Variants in SMAD5 observed in about 807,000 individuals in gnomAD.
SMAD5 encodes the protein SMAD family member 5.
In SMAD5, 9 loss-of-function variants were observed where a neutral mutation model predicts 43.1. That is an observed-to-expected ratio of 0.21 (90% confidence interval 0.13 to 0.36). The LOEUF is 0.36. Ranked by LOEUF, SMAD5 falls within the 10% of genes least tolerant of loss-of-function variation. The probability of loss-of-function intolerance (pLI) is 1.00; values close to 1 mark genes in which losing one functional copy is unlikely to be tolerated. For missense variants in SMAD5, 348 were observed against 574.0 expected (o/e 0.61, Z 4.02); for synonymous variants, 190 against 192.4 (o/e 0.99, Z 0.10).
chr5:136,151,209 A>G (rs1044269209), intron 2 of SMAD5, among the ~76,000 whole-genome samples: 1 of 152,052 alleles, frequency 6.6e-6, no homozygotes, highest in Non-Finnish European at 1.5e-5. Flanking sequence ...CCTGCATACT[A>G]ACATTGCATT....
intron 7 of SMAD5, among the ~76,000 whole-genome samples, chr5:136,175,992 G>A (rs986931747): frequency 2.6e-5 from 4 of 152,032 alleles, no homozygotes; most frequent in Non-Finnish European, 5.9e-5. Context: ...ATTTTTATCT[G>A]CAGTTTTAGG....
intron 1 of SMAD5, among the ~76,000 whole-genome samples, chr5:136,142,161 C>A (rs1753103065): frequency 6.6e-6 from 1 of 152,134 alleles, no homozygotes; most frequent in African/African-American, 2.4e-5. Context: ...GTGGAATTTA[C>A]ATTCTTGTGG....
At chr5:136,171,187 G>A (rs763183136) in intron 5 of SMAD5, among the ~76,000 whole-genome samples, 17 of 152,086 alleles carry the variant, frequency 1.1e-4, no homozygotes, top group South Asian at 4.1e-4. Flanking sequence ...TAGATGTTCC[G>A]TATCAAGCTG....
rs758365297 is a variant in SMAD5, at chr5:136,161,022, C to T, written c.570C>T (p.Asn190=). 3.7e-6 allele frequency: 6 copies of T among 1,613,904 alleles called. No individual in the cohort carries two copies. The East Asian group carries it at 8.9e-5, about 24-fold the overall frequency. The change falls in exon 4 of 8, where the codon AAC becomes AAT. Residue 190 remains asparagine, a synonymous_variant. Transcript: ENST00000545279. ...ACACTCCTTTTCCCTTATCTCCAAACAGCCCTTATCCCCCTTCTCCTGCTA... is the reference window on the plus strand; with the variant it reads ...ACACTCCTTTTCCCTTATCTCCAAATAGCCCTTATCCCCCTTCTCCTGCTA... ...PNNTPFPLSP[N]SPYPPSPASS...
Position 136,147,780 on chromosome 5 carries a change from T to C in SMAD5, c.-244-52T>C, listed in dbSNP as rs116457337. The C allele has an allele frequency of 1.5e-3, 227 of 151,860 alleles. 3 individuals are homozygous for C. The highest frequency in any genetic ancestry group is 5.2e-3 in the African/African-American group (216 of 41,478). The allele number at this position is 151,860 out of a possible 1,614,324, so 9.4% of individuals were successfully genotyped here. On this transcript the variant is annotated intron_variant, in intron 1 of 7. Transcript: ENST00000545279. ...GTTAGTGGTTTATTATTATTACCAT[T>C]ATCAAAGGAGTATTATGATTCCTTT...
chr5:136,162,526 T>C (rs1023123353), intron 4 of SMAD5, among the ~76,000 whole-genome samples: 2 of 152,220 alleles, frequency 1.3e-5, no homozygotes, highest in African/African-American at 4.8e-5. Flanking sequence ...AAAACAAATT[T>C]TCATAGTTTG....
chr5:136,177,307 AT>A (rs760521125), intron 7 of SMAD5, 29 bp from the exon 8 acceptor site: 19 of 1,610,804 alleles, frequency 1.2e-5, no homozygotes, highest in Non-Finnish European at 1.4e-5. Flanking sequence ...TTAAAGAGGG[AT>A]TTGTGATGAT....
chr5:136,178,732 A>C lies in SMAD5; in HGVS notation c.*1252A>C, dbSNP rs1202120009. On this transcript the variant is annotated 3_prime_UTR_variant, in exon 8 of 8. Transcript: ENST00000545279. ...AAGGCTACTGATTTGATACTAAATG[A>C]ATCAGCAGTGGATGTAGGGATAGCT... The C allele has an allele frequency of 6.6e-6, 1 of 152,180 alleles. No homozygotes were observed. Among genetic ancestry groups the C allele is most frequent in the African/African-American group, 2.4e-5 (1 of 41,418 alleles). 9.4% of individuals were successfully genotyped at this position (152,180 alleles called of 1,614,324 possible).
intron 1 of SMAD5, among the ~76,000 whole-genome samples, chr5:136,139,128 C>CTGTGTGTG (rs57433582): frequency 2.1e-5 from 3 of 140,374 alleles, no homozygotes; most frequent in Admixed American, 7.2e-5. Context: ...GCTGTGAGCT[C>CTGTGTGTG]TGTGTGTGTG....
At chr5:136,140,455 CTG>C (rs1753039548) in intron 1 of SMAD5, among the ~76,000 whole-genome samples, 1 of 152,158 alleles carries the variant, frequency 6.6e-6, no homozygotes, top group Non-Finnish European at 1.5e-5. Flanking sequence ...CCCTCGTACA[CTG>C]TGTTCTCAGG....
chr5:136,174,081 T>TA (rs1484515828), intron 6 of SMAD5, among the ~76,000 whole-genome samples: 1 of 151,988 alleles, frequency 6.6e-6, no homozygotes, highest in Admixed American at 6.6e-5. Context: ...TTTTTTTTTT[T>TA]AGCCCTCTCT....
Position 136,179,647 on chromosome 5 carries a change from T to C in SMAD5, c.*2167T>C, listed in dbSNP as rs1754552406. The C allele has an allele frequency of 6.6e-6, 1 of 152,216 alleles. No individual in the cohort carries two copies. The highest frequency in any genetic ancestry group is 1.5e-5 in the Non-Finnish European group (1 of 68,034). 9.4% of individuals were successfully genotyped at this position (152,216 alleles called of 1,614,324 possible). ...AAAGAAATACTTTCTGACAGTCACC[T>C]GAGCCTTAAATGTAAGTATTACATG... is the stretch of plus-strand genomic sequence containing the variant. On this transcript the variant is annotated 3_prime_UTR_variant, in exon 8 of 8. Coordinates refer to ENST00000545279, the MANE Select transcript of SMAD5 (RefSeq NM_005903.7).
chr5:136,155,110 T>G (rs1481663482), intron 3 of SMAD5, among the ~76,000 whole-genome samples: 1 of 152,154 alleles, frequency 6.6e-6, no homozygotes, highest in East Asian at 1.9e-4. Flanking sequence ...CTCCCTTGAG[T>G]TTTAGATTTG....
At chr5:136,134,724 T>C (rs1029408103) in intron 1 of SMAD5, 1 of 152,250 alleles carries the variant, frequency 6.6e-6, no homozygotes, top group Admixed American at 6.5e-5. Context: ...TTTATAAAGT[T>C]TAATTTTGAT....
chr5:136,144,682 T>G (rs916927453), intron 1 of SMAD5, among the ~76,000 whole-genome samples: 2 of 151,634 alleles, frequency 1.3e-5, no homozygotes, highest in Non-Finnish European at 2.9e-5. Flanking sequence ...GTTAGGTGGC[T>G]CAGGATGAGG....
rs1282558894 is a variant in SMAD5, at chr5:136,177,403, C to T, written c.1321C>T (p.His441Tyr). The T allele has an allele frequency of 3.7e-6, 6 of 1,612,168 alleles. No homozygotes were observed. The highest frequency in any genetic ancestry group is 5.1e-6 in the Non-Finnish European group (6 of 1,178,366). ...CCCATGTTGGATTGAGATTCATCTT[C>T]ATGGGCCTCTTCAGTGGCTGGATAA... ...STPCWIEIHL[H>Y]GPLQWLDKVL... The change falls in exon 8 of 8, where the codon CAT becomes TAT. Residue 441 changes from histidine (H) to tyrosine (Y), a missense_variant. This residue lies in a region of SMAD5 where 97 missense variants were observed against 211.8 expected (regional missense o/e 0.46). Transcript: ENST00000545279.
chr5:136,168,553 G>A (rs1366889705), intron 5 of SMAD5, among the ~76,000 whole-genome samples: 1 of 152,124 alleles, frequency 6.6e-6, no homozygotes, highest in Non-Finnish European at 1.5e-5. Flanking sequence ...CACCAGAGTG[G>A]GACATTTGTT....
intron 1 of SMAD5, chr5:136,133,478 G>A (rs1349673333): frequency 6.6e-6 from 1 of 152,350 alleles, no homozygotes; most frequent in Non-Finnish European, 1.5e-5. Flanking sequence ...TTATCGGTGG[G>A]AATTACACTC....
chr5:136,160,527 G>A (rs1753788243), intron 3 of SMAD5, among the ~76,000 whole-genome samples: 1 of 151,868 alleles, frequency 6.6e-6, no homozygotes, highest in Admixed American at 6.6e-5. Flanking sequence ...TGCTAGCTGG[G>A]AGCGCTCACC....
Sources: gnomAD v4.1 joint callset for allele counts (sites outside exome capture counted in the v4.1 genomes callset) on GRCh38, gnomAD v4.1.1 for gene constraint, gnomAD v4.1.1 regional missense constraint, MANE v1.5 for transcripts, NCBI Gene and HGNC (gene_info 2026-07-23, HGNC 2026-07-21) for gene names.